The following ACSF3 variants were observed in gnomAD, a reference collection of about 807,000 sequenced individuals.
The protein encoded by ACSF3 is malonate--CoA ligase ACSF3, mitochondrial.
Under a neutral mutation model 53.2 loss-of-function variants are expected in ACSF3, and 78 were observed. That is an observed-to-expected ratio of 1.47 (90% CI 1.22 to 1.77). The LOEUF (loss-of-function observed/expected upper bound fraction) is 1.77. Among genes scored for constraint, ACSF3 ranks in the 40% most tolerant of loss-of-function variants. The pLI is 0.00. For missense variants in ACSF3, 937 were observed against 771.1 expected (o/e 1.22, Z -2.55); for synonymous variants, 414 against 333.1 (o/e 1.24, Z -2.65).
At chr16:89,112,293 A>C in intron 5 of ACSF3, 47 bp downstream of exon 5, 2 of 1,604,152 alleles carry the variant, frequency 1.2e-6, no homozygotes, top group Non-Finnish European at 1.7e-6. Flanking sequence ...CTTAAAGATC[A>C]ACAGATACGA....
intron 8 of ACSF3, 89 bp downstream of exon 8, chr16:89,133,351 G>A (rs1033743807): frequency 2.4e-5 from 37 of 1,569,802 alleles, no homozygotes; most frequent in Middle Eastern, 3.9e-4. Context: ...CCGAGGCTGG[G>A]AGTTCCCAGA....
At position 89,154,239 on chromosome 16, in the gene ACSF3, G is replaced by A; in HGVS notation, c.*32G>A. 6.3e-7 allele frequency: 1 copy of A among 1,599,776 alleles called. No homozygotes were observed. Among genetic ancestry groups the A allele is most frequent in the Non-Finnish European group, 8.5e-7 (1 of 1,169,898 alleles). On this transcript the variant is annotated 3_prime_UTR_variant, in exon 11 of 11. Transcript: ENST00000614302. ...AGACTGGGACTGCGGGTCTGGTGGG[G>A]AGCAGCAGACGTCCCCTTCACACCG...
intron 4 of ACSF3, among the ~76,000 whole-genome samples, chr16:89,109,125 G>T (rs549425538): frequency 8.1e-4 from 122 of 151,366 alleles, no homozygotes; most frequent in African/African-American, 2.9e-3. Context: ...CCAGCTACTC[G>T]GGAGGCTGAG....
chr16:89,132,484 G>A (rs1393885958), intron 7 of ACSF3, among the ~76,000 whole-genome samples: 2 of 152,082 alleles, frequency 1.3e-5, no homozygotes, highest in South Asian at 2.1e-4. Flanking sequence ...CCTCCCTCCC[G>A]CCCTCTCCAT....
intron 7 of ACSF3, among the ~76,000 whole-genome samples, chr16:89,127,924 C>T (rs557651651): frequency 6.6e-6 from 1 of 152,250 alleles, no homozygotes; most frequent in Non-Finnish European, 1.5e-5. Flanking sequence ...TATGTGGCTC[C>T]CATTCCTCAT....
intron 8 of ACSF3, among the ~76,000 whole-genome samples, chr16:89,137,142 G>A (rs1250947580): frequency 6.6e-6 from 1 of 152,214 alleles, no homozygotes. Flanking sequence ...GGTAGGGCAG[G>A]GCGGCATCCC....
chr16:89,115,448 C>A (rs931272781), intron 6 of ACSF3, among the ~76,000 whole-genome samples: 2 of 152,220 alleles, frequency 1.3e-5, no homozygotes, highest in African/African-American at 2.4e-5. Flanking sequence ...TGCTTCCGCC[C>A]GGCTTCCGCC....
chr16:89,131,131 T>TTC (rs1472959526), intron 7 of ACSF3, among the ~76,000 whole-genome samples: 3 of 95,282 alleles, frequency 3.1e-5, no homozygotes, highest in South Asian at 6.8e-4. Context: ...CTTTTTCTTT[T>TTC]TTTTTTTTTT....
chr16:89,133,111 C>A, intron 7 of ACSF3, 25 bp from the exon 8 acceptor site: 1 of 1,612,970 alleles, frequency 6.2e-7, no homozygotes. Flanking sequence ...CCAGCTCTGA[C>A]CTCCATGTTC....
chr16:89,112,313 A>T, intron 5 of ACSF3, 67 bp downstream of exon 5: 1 of 1,584,512 alleles, frequency 6.3e-7, no homozygotes, highest in South Asian at 1.1e-5. Flanking sequence ...ACTTATTTCT[A>T]ATAAATCACT....
intron 1 of ACSF3, among the ~76,000 whole-genome samples, chr16:89,096,498 C>A (rs1974632333): frequency 6.6e-6 from 1 of 152,224 alleles, no homozygotes. Context: ...AACCTCTGTG[C>A]TGAAGAGAAC....
chr16:89,102,550 T>C, intron 3 of ACSF3, 54 bp from the exon 4 acceptor site: 1 of 1,605,262 alleles, frequency 6.2e-7, no homozygotes, highest in Non-Finnish European at 8.5e-7. Flanking sequence ...CTGTGTGTGC[T>C]GTTGCGGGCC....
chr16:89,106,875 A>C (rs148334415), intron 4 of ACSF3, among the ~76,000 whole-genome samples: 78 of 152,264 alleles, frequency 5.1e-4, no homozygotes, highest in African/African-American at 1.7e-3. Context: ...CCTGCAGGTG[A>C]CGGATGGGGT....
intron 2 of ACSF3, among the ~76,000 whole-genome samples, chr16:89,099,147 C>T (rs1974960893): frequency 6.6e-6 from 1 of 152,256 alleles, no homozygotes; most frequent in Non-Finnish European, 1.5e-5. Flanking sequence ...CCCTTCTTCT[C>T]GCTCTGGAAT....
At chr16:89,145,537 C>A in intron 9 of ACSF3, 136 bp downstream of exon 9, 3 of 1,125,144 alleles carry the variant, frequency 2.7e-6, no homozygotes, top group Non-Finnish European at 3.8e-6. Context: ...ACCTCTGGTC[C>A]CTGCCCTGGC....
At chr16:89,143,100 G>A (rs540105439) in intron 8 of ACSF3, among the ~76,000 whole-genome samples, 4 of 152,024 alleles carry the variant, frequency 2.6e-5, no homozygotes, top group Admixed American at 6.6e-5. Context: ...AAAAAGATTC[G>A]CAGGAAATTA....
intron 6 of ACSF3, among the ~76,000 whole-genome samples, chr16:89,117,056 A>T (rs761078244): frequency 2.6e-4 from 39 of 152,292 alleles, no homozygotes; most frequent in South Asian, 1.0e-3. Flanking sequence ...GGAATGAGCA[A>T]AGCCCGGCTC....
intron 6 of ACSF3, among the ~76,000 whole-genome samples, chr16:89,119,790 C>G (rs1171452024): frequency 1.3e-5 from 2 of 152,180 alleles, no homozygotes; most frequent in Non-Finnish European, 2.9e-5. Flanking sequence ...ATCAGCAAGA[C>G]CGAGCCGGGC....
chr16:89,114,264 G>A, intron 5 of ACSF3, 75 bp from the exon 6 acceptor site: 2 of 1,601,974 alleles, frequency 1.2e-6, no homozygotes, highest in Admixed American at 1.7e-5. Context: ...GCCTCCTGAG[G>A]GGCTAAACCT....
Sources: allele counts gnomAD v4.1 joint callset (sites outside exome capture counted in the v4.1 genomes callset), GRCh38; gene constraint gnomAD v4.1.1; transcripts MANE v1.5; gene names NCBI Gene and HGNC (gene_info 2026-07-23, HGNC 2026-07-21).